The following MAP2K6 variants were observed in gnomAD, a reference collection of about 807,000 sequenced individuals.
The protein encoded by MAP2K6 is dual specificity mitogen-activated protein kinase kinase 6.
Under a neutral mutation model 53.7 loss-of-function variants are expected in MAP2K6, and 16 were observed. That is an observed-to-expected ratio of 0.30 (90% CI 0.20 to 0.45). MAP2K6 has a LOEUF of 0.45. Among genes scored for constraint, MAP2K6 ranks in the 20% least tolerant of loss-of-function variants. MAP2K6 has a pLI of 1.00. For synonymous variants in MAP2K6, 132 were observed against 143.1 expected, an observed-to-expected ratio of 0.92 and a Z score of 0.55; for missense variants, 204 against 411.9, an observed-to-expected ratio of 0.50 and a Z score of 4.37.
rs1906816133 is a variant in MAP2K6 at position 69,441,448 on chromosome 17, G to A, written c.16+26448G>A. Among the ~76,000 whole-genome samples, 6 of 151,990 alleles carry A rather than the reference G, an allele frequency of 3.9e-5. No homozygotes were observed. The South Asian group carries it at 1.2e-3, about 32-fold the overall frequency. ...ATTGAGTTTTTGAATTTTGGTTGTT[G>A]TATTTTTCTAGTTCTAAATTTTCCA... is the stretch of plus-strand genomic sequence containing the variant. On this transcript the variant is annotated intron_variant, in intron 1 of 11. Transcript: ENST00000590474.
intron 1 of MAP2K6, among the ~76,000 whole-genome samples, chr17:69,493,134 G>A (rs551902074): frequency 6.6e-6 from 1 of 152,228 alleles, no homozygotes; most frequent in East Asian, 1.9e-4. Context: ...AAAAAGTTGT[G>A]TACAATTCAT....
Position 69,532,169 on chromosome 17 carries a change from AG to A in MAP2K6, c.882-3945del, listed in dbSNP as rs142586333. ...ACTCAGGGAAACTAGCATAAAACAC[AG>A]ACAGTCAAATACAGTCTCCTACTTG... is the stretch of plus-strand genomic sequence containing the variant. On this transcript the variant is annotated intron_variant, in intron 10 of 11. Transcript: ENST00000590474. 4.4e-3 allele frequency among the ~76,000 whole-genome samples: 667 copies of A among 152,338 alleles called. 32 individuals are homozygous for A. In the East Asian group the frequency reaches 0.11, roughly 25 times the overall value.
At chr17:69,489,790 T>C (rs920757461) in intron 1 of MAP2K6, among the ~76,000 whole-genome samples, 7 of 152,238 alleles carry the variant, frequency 4.6e-5, no homozygotes, top group African/African-American at 1.4e-4. Flanking sequence ...TCTTTGTCTT[T>C]GCTTTTTAAT....
intron 1 of MAP2K6, among the ~76,000 whole-genome samples, chr17:69,482,164 A>G (rs1424437830): frequency 6.6e-6 from 1 of 152,134 alleles, no homozygotes; most frequent in Non-Finnish European, 1.5e-5. Context: ...TCTGGTTAGC[A>G]TCAGATTCAG....
chr17:69,463,933 C>T (rs1288441064), intron 1 of MAP2K6, among the ~76,000 whole-genome samples: 1 of 150,608 alleles, frequency 6.6e-6, no homozygotes, highest in Non-Finnish European at 1.5e-5. Flanking sequence ...ACAGGAGAAT[C>T]GCTTGAACCT....
intron 2 of MAP2K6, among the ~76,000 whole-genome samples, chr17:69,507,344 G>C (rs951539567): frequency 4.6e-5 from 7 of 152,060 alleles, no homozygotes; most frequent in African/African-American, 1.7e-4. Flanking sequence ...GTGTGTGTGT[G>C]TGTGTGTGTG....
chr17:69,431,552 T>C (rs1906461650), intron 1 of MAP2K6, among the ~76,000 whole-genome samples: 2 of 152,164 alleles, frequency 1.3e-5, no homozygotes, highest in Admixed American at 1.3e-4. Flanking sequence ...TGTATTTTGT[T>C]TTACCTTAAG....
intron 1 of MAP2K6, among the ~76,000 whole-genome samples, chr17:69,497,434 G>C (rs1908993226): frequency 6.6e-6 from 1 of 152,068 alleles, no homozygotes; most frequent in Admixed American, 6.6e-5. Flanking sequence ...AAACATCAAG[G>C]CATGAGAGTA....
intron 7 of MAP2K6, 72 bp from the exon 8 acceptor site, chr17:69,523,442 C>G: frequency 6.3e-7 from 1 of 1,587,060 alleles, no homozygotes; most frequent in South Asian, 1.1e-5. Flanking sequence ...AGATTTTAGG[C>G]CCTCTGGTGG....
chr17:69,459,000 C>A (rs1393850977), intron 1 of MAP2K6, among the ~76,000 whole-genome samples: 1 of 152,172 alleles, frequency 6.6e-6, no homozygotes, highest in African/African-American at 2.4e-5. Context: ...TGGTTCTAAC[C>A]TCCTTTGCTG....
intron 1 of MAP2K6, among the ~76,000 whole-genome samples, chr17:69,447,068 C>G (rs1906993051): frequency 6.6e-6 from 1 of 151,460 alleles, no homozygotes; most frequent in African/African-American, 2.4e-5. Context: ...ACCTCCGCCT[C>G]CCAGGTTCAA....
intron 2 of MAP2K6, among the ~76,000 whole-genome samples, chr17:69,509,616 T>C (rs959350051): frequency 1.6e-4 from 25 of 152,166 alleles, no homozygotes; most frequent in Non-Finnish European, 2.9e-4. Context: ...GATTTTTACT[T>C]TCATTTTCTT....
At chr17:69,493,899 A>C (rs778942462) in intron 1 of MAP2K6, among the ~76,000 whole-genome samples, 2 of 152,166 alleles carry the variant, frequency 1.3e-5, no homozygotes, top group Non-Finnish European at 2.9e-5. Context: ...TTGCTGAGGG[A>C]TTATTTATAT....
At chr17:69,441,919 A>T (rs1362733450) in intron 1 of MAP2K6, among the ~76,000 whole-genome samples, 1 of 152,080 alleles carries the variant, frequency 6.6e-6, no homozygotes, top group African/African-American at 2.4e-5. Flanking sequence ...CTCCACTGAC[A>T]GTTCTCTGGC....
intron 1 of MAP2K6, among the ~76,000 whole-genome samples, chr17:69,421,895 G>A (rs529206748): frequency 6.6e-6 from 1 of 151,766 alleles, no homozygotes; most frequent in Non-Finnish European, 1.5e-5. Flanking sequence ...AGGGAACTTC[G>A]CAAGGATCAC....
intron 1 of MAP2K6, among the ~76,000 whole-genome samples, chr17:69,417,949 C>A (rs1905956910): frequency 6.6e-6 from 1 of 152,176 alleles, no homozygotes; most frequent in Non-Finnish European, 1.5e-5. Flanking sequence ...ATAAGTAAAT[C>A]ATGTAAGAAA....
intron 2 of MAP2K6, among the ~76,000 whole-genome samples, chr17:69,514,949 C>T (rs975651044): frequency 3.9e-5 from 6 of 152,154 alleles, no homozygotes; most frequent in African/African-American, 1.4e-4. Context: ...AAAAAATCCT[C>T]ATTGGCAAAG....
In MAP2K6 at chr17:69,527,795, C is replaced by T. The variant is rs181551634; in HGVS notation, c.881+1086C>T. 9.7e-4 allele frequency among the ~76,000 whole-genome samples: 147 copies of T among 152,162 alleles called. 1 individual carries two copies. Among genetic ancestry groups the T allele is most frequent in the Non-Finnish European group, 4.7e-4 (32 of 68,002 alleles). On this transcript the variant is annotated intron_variant, in intron 10 of 11. Transcript: ENST00000590474. ...GAGGAAGCTGAAGGAACATCTTCCC[C>T]GTGGCTTCATTCCTCAGCCTCCATG...
Position 69,520,973 on chromosome 17 carries a change from T to C in MAP2K6, c.484-76T>C. 5.8e-6 allele frequency: 7 copies of C among 1,198,126 alleles called. No individual in the cohort carries two copies. The South Asian group carries it at 9.6e-5, about 16-fold the overall frequency. The allele number at this position is 1,198,126 out of a possible 1,614,324, so 74.2% of individuals were successfully genotyped here. A position where few individuals can be genotyped will look rare whatever the true frequency, so the allele number is the denominator to read the frequency against. ...ACTGGTAACCTAAAGCCAAGGATAA[T>C]AAACCTTGATATACTTAACATTCAA... On this transcript the variant is annotated intron_variant, in intron 6 of 11. Coordinates refer to ENST00000590474, the MANE Select transcript of MAP2K6 (RefSeq NM_002758.4).
Sources: allele counts gnomAD v4.1 joint callset (sites outside exome capture counted in the v4.1 genomes callset), GRCh38; gene constraint gnomAD v4.1.1; transcripts MANE v1.5; gene names NCBI Gene and HGNC (gene_info 2026-07-23, HGNC 2026-07-21).